AGBL4: variants seen among roughly 807,000 people sequenced by gnomAD.
The protein encoded by AGBL4 is AGBL carboxypeptidase 4, also known as cytosolic carboxypeptidase 6.
In AGBL4, 58 loss-of-function variants were observed where a neutral mutation model predicts 66.4. The ratio of observed to expected loss-of-function variants is 0.87; its 90% CI spans 0.71 to 1.09. AGBL4 has a LOEUF of 1.09. Ranked by LOEUF, AGBL4 falls within the 50% of genes least tolerant of loss-of-function variation. The pLI, the probability that AGBL4 is intolerant of heterozygous loss-of-function variation, is 0.00. For missense variants in AGBL4, 579 were observed against 631.0 expected, an observed-to-expected ratio of 0.92 and a Z score of 0.88; for synonymous variants, 234 against 222.9, an observed-to-expected ratio of 1.05 and a Z score of -0.44.
chr1:49,206,343 A>G (rs1648126657), intron 4 of AGBL4, among the ~76,000 whole-genome samples: 1 of 152,126 alleles, frequency 6.6e-6, no homozygotes, highest in Non-Finnish European at 1.5e-5. Context: ...AACAAAAAAT[A>G]AACCCTCTAA....
chr1:49,603,905 A>G (rs1008497515), intron 3 of AGBL4, among the ~76,000 whole-genome samples: 6 of 147,170 alleles, frequency 4.1e-5, no homozygotes, highest in Non-Finnish European at 8.9e-5. Flanking sequence ...CATTTTTTCT[A>G]CAGGTGATTA....
intron 5 of AGBL4, among the ~76,000 whole-genome samples, chr1:48,890,161 G>A (rs1650799238): frequency 1.3e-5 from 2 of 152,016 alleles, no homozygotes; most frequent in Non-Finnish European, 2.9e-5. Flanking sequence ...CAGTGCCTTG[G>A]CCTCCTTTCA....
At chr1:49,675,118 A>T (rs1646553969) in intron 3 of AGBL4, among the ~76,000 whole-genome samples, 1 of 152,130 alleles carries the variant, frequency 6.6e-6, no homozygotes. Flanking sequence ...CCTATGGATC[A>T]TCTAATCTAG....
At chr1:48,863,932 C>T (rs536904600) in intron 6 of AGBL4, among the ~76,000 whole-genome samples, 19 of 151,916 alleles carry the variant, frequency 1.3e-4, no homozygotes, top group Non-Finnish European at 2.5e-4. Flanking sequence ...AACAAGAGAT[C>T]GATAAATTCA....
chr1:49,303,798 G>A (rs1341522783), intron 3 of AGBL4, among the ~76,000 whole-genome samples: 1 of 152,036 alleles, frequency 6.6e-6, no homozygotes, highest in Non-Finnish European at 1.5e-5. Flanking sequence ...TTTGAGAAGT[G>A]TCTGTTCATG....
At chr1:48,578,122 T>G (rs1325937839) in intron 11 of AGBL4, among the ~76,000 whole-genome samples, 2 of 152,154 alleles carry the variant, frequency 1.3e-5, no homozygotes, top group African/African-American at 4.8e-5. Flanking sequence ...GAAATAAACT[T>G]AAAGATCACA....
At chr1:49,711,192 CT>C (rs1647639388) in intron 2 of AGBL4, among the ~76,000 whole-genome samples, 1 of 152,036 alleles carries the variant, frequency 6.6e-6, no homozygotes, top group Non-Finnish European at 1.5e-5. Context: ...TTGATAATTT[CT>C]CATAAAGGTA....
intron 3 of AGBL4, among the ~76,000 whole-genome samples, chr1:49,389,943 A>G (rs1247526355): frequency 6.6e-6 from 1 of 152,200 alleles, no homozygotes. Flanking sequence ...CAGGCAGTAG[A>G]CTAACCAAGG....
chr1:49,305,869 T>G (rs1439741752), intron 3 of AGBL4, among the ~76,000 whole-genome samples: 1 of 152,146 alleles, frequency 6.6e-6, no homozygotes, highest in Non-Finnish European at 1.5e-5. Context: ...TTTGTATTTC[T>G]AGTAGAGACA....
At chr1:48,899,455 G>A (rs1271773116) in intron 5 of AGBL4, among the ~76,000 whole-genome samples, 4 of 148,450 alleles carry the variant, frequency 2.7e-5, no homozygotes, top group African/African-American at 1.0e-4. Context: ...CCTCTAAGCC[G>A]CATTTCCAGG....
intron 2 of AGBL4, among the ~76,000 whole-genome samples, chr1:49,755,000 T>C (rs1019279774): frequency 6.6e-6 from 1 of 152,208 alleles, no homozygotes; most frequent in African/African-American, 2.4e-5. Context: ...CACACCATAC[T>C]GTAGATGGTA....
At chr1:49,228,474 T>G (rs1403701097) in intron 4 of AGBL4, among the ~76,000 whole-genome samples, 3 of 152,056 alleles carry the variant, frequency 2.0e-5, no homozygotes, top group African/African-American at 7.2e-5. Context: ...TAGATGCCAT[T>G]GAGGATAAAT....
chr1:49,607,277 A>G (rs1286074160), intron 3 of AGBL4, among the ~76,000 whole-genome samples: 1 of 152,062 alleles, frequency 6.6e-6, no homozygotes, highest in Non-Finnish European at 1.5e-5. Context: ...CTAAACTGCT[A>G]GTTTATTTCT....
chr1:48,882,143 A>C (rs1649853583), intron 5 of AGBL4, among the ~76,000 whole-genome samples: 1 of 152,196 alleles, frequency 6.6e-6, no homozygotes, highest in Admixed American at 6.5e-5. Flanking sequence ...AGTCTCAGGT[A>C]GTCATATACT....
intron 1 of AGBL4, among the ~76,000 whole-genome samples, chr1:50,022,611 TAACC>T (rs1662526322): frequency 9.7e-6 from 1 of 103,308 alleles, no homozygotes; most frequent in Admixed American, 1.3e-4. Context: ...GTATGTACCA[TAACC>T]ACACACACAC....
intron 2 of AGBL4, among the ~76,000 whole-genome samples, chr1:49,753,585 T>C (rs1018434370): frequency 1.1e-4 from 16 of 152,200 alleles, no homozygotes; most frequent in Admixed American, 3.3e-4. Flanking sequence ...TGTGGTGTTG[T>C]CTGTATTCCC....
At chr1:49,433,228 G>A (rs1199694744) in intron 3 of AGBL4, among the ~76,000 whole-genome samples, 1 of 152,162 alleles carries the variant, frequency 6.6e-6, no homozygotes, top group Non-Finnish European at 1.5e-5. Flanking sequence ...CAAACCCAAA[G>A]AGAGGGTCAT....
In AGBL4 at chr1:49,069,839, C is replaced by T. The variant is rs113973581; in HGVS notation, c.378-24039G>A. Among the ~76,000 whole-genome samples the T allele has an allele frequency of 5.8e-3, 888 of 151,934 alleles. 21 individuals carry two copies. Among genetic ancestry groups the T allele is most frequent in the African/African-American group, 0.02 (824 of 41,296 alleles). ...ACTATGGGCAGTATAGCCATTTTCA[C>T]GATATTGATTCTTTCTATACATAAG... On this transcript the variant is annotated intron_variant, in intron 4 of 13. Transcript: ENST00000371839.
At chr1:49,546,366 C>CTGG (rs1225461240) in intron 3 of AGBL4, among the ~76,000 whole-genome samples, 1 of 150,924 alleles carries the variant, frequency 6.6e-6, no homozygotes, top group African/African-American at 2.4e-5. Flanking sequence ...TATATTCCAT[C>CTGG]ATTATATATA....
Sources: allele counts gnomAD v4.1 joint callset (sites outside exome capture counted in the v4.1 genomes callset), GRCh38; gene constraint gnomAD v4.1.1; transcripts MANE v1.5; gene names NCBI Gene and HGNC (gene_info 2026-07-23, HGNC 2026-07-21).